The following CCDC50 variants were observed in gnomAD, a reference collection of about 807,000 sequenced individuals.
The protein encoded by CCDC50 is coiled-coil domain-containing protein 50.
Under a neutral mutation model 70.2 loss-of-function variants are expected in CCDC50, and 54 were observed. The ratio of observed to expected loss-of-function variants is 0.77; its 90% CI spans 0.62 to 0.96. CCDC50 has a LOEUF of 0.96. CCDC50 is among the 50% of genes least tolerant of loss of function. The probability of loss-of-function intolerance (pLI) is 0.00; values close to 1 mark genes in which losing one functional copy is unlikely to be tolerated. For synonymous variants in CCDC50, 216 were observed against 198.8 expected, an observed-to-expected ratio of 1.09 and a Z score of -0.73; for missense variants, 558 against 578.7, an observed-to-expected ratio of 0.96 and a Z score of 0.37.
chr3:191,357,073 C>T lies in CCDC50; in HGVS notation c.50-15C>T, dbSNP rs1277441189. On this transcript the variant is annotated splice_polypyrimidine_tract_variant and intron_variant, in intron 1 of 11. Coordinates refer to ENST00000392455, the MANE Select transcript of CCDC50 (RefSeq NM_178335.3). The stretch of plus-strand genomic sequence containing the variant: ...TAATGAGCCTTCCTGTCTGTTTTTC[C>T]TCCATCTACTCTAGTATGCCGAGAT... 1 of 1,579,170 alleles carries T rather than the reference C, an allele frequency of 6.3e-7. No individual in the cohort carries two copies. Among genetic ancestry groups the T allele is most frequent in the African/African-American group, 1.4e-5 (1 of 73,462 alleles).
intron 6 of CCDC50, among the ~76,000 whole-genome samples, chr3:191,376,431 C>T (rs1265901409): frequency 6.6e-6 from 1 of 152,048 alleles, no homozygotes; most frequent in East Asian, 1.9e-4. Context: ...ATCATTGACG[C>T]AGTAATGGCT....
Position 191,369,958 on chromosome 3 carries a change from G to C in CCDC50, c.370G>C (p.Glu124Gln). The change falls in exon 5 of 12, where the codon GAG (glutamate) becomes CAG (glutamine). Residue 124 changes from glutamate (E) to glutamine (Q), a missense_variant. By Grantham distance (29) the Glu-to-Gln change is conservative. Coordinates refer to ENST00000392455, the MANE Select transcript of CCDC50 (RefSeq NM_178335.3). The stretch of plus-strand genomic sequence containing the variant: ...TTTGCAAGAAAAGGAGTTACAGGAA[G>C]AGAAAAAGAGAAAGAAACACTTTCC... ...RLLQEKELQEEKKRKKHFPEF... is the reference protein window; with the variant it reads ...RLLQEKELQEQKKRKKHFPEF... 6.2e-7 allele frequency: 1 copy of C among 1,613,436 alleles called. No individual in the cohort carries two copies. The highest frequency in any genetic ancestry group is 2.2e-5 in the East Asian group (1 of 44,856).
At chr3:191,363,827 T>C (rs1243285393) in intron 4 of CCDC50, among the ~76,000 whole-genome samples, 1 of 152,228 alleles carries the variant, frequency 6.6e-6, no homozygotes, top group Non-Finnish European at 1.5e-5. Flanking sequence ...GATGAGAAGA[T>C]GGCTACTGTG....
At chr3:191,369,284 T>A (rs986450723) in intron 4 of CCDC50, among the ~76,000 whole-genome samples, 2 of 152,152 alleles carry the variant, frequency 1.3e-5, no homozygotes, top group African/African-American at 4.8e-5. Flanking sequence ...TTTATTGTAG[T>A]TACTTTTTTT....
At chr3:191,372,684 T>C (rs1178696071) in intron 5 of CCDC50, among the ~76,000 whole-genome samples, 3 of 152,144 alleles carry the variant, frequency 2.0e-5, no homozygotes, top group Non-Finnish European at 4.4e-5. Context: ...TTTCTACAAA[T>C]TTGAAATTGT....
chr3:191,389,225 C>T (rs772804013), intron 10 of CCDC50, among the ~76,000 whole-genome samples: 27 of 152,140 alleles, frequency 1.8e-4, no homozygotes, highest in Non-Finnish European at 3.5e-4. Context: ...TCACATCTCA[C>T]TAATCTTTGT....
chr3:191,382,657 A>T, intron 9 of CCDC50, 89 bp from the exon 10 acceptor site: 1 of 837,954 alleles, frequency 1.2e-6, no homozygotes, highest in Non-Finnish European at 2.1e-6. Flanking sequence ...TGATAAACAT[A>T]CGTTAAACTT....
In CCDC50 at chr3:191,380,157, A is replaced by G; in HGVS notation, c.977-2A>G. ...ACATTGAGTTTTTTTTTTTTTTTAA[A>G]GGAATGAAGCCAAGAGTGATGAAAG... On this transcript the variant is annotated splice_acceptor_variant, in intron 6 of 11. Coordinates refer to ENST00000392455, the MANE Select transcript of CCDC50 (RefSeq NM_178335.3). LOFTEE classifies it high-confidence loss of function. The G allele has an allele frequency of 1.3e-6, 2 of 1,484,350 alleles. No homozygotes were observed. Among genetic ancestry groups the G allele is most frequent in the Admixed American group, 1.8e-5 (1 of 56,174 alleles). The allele number at this position is 1,484,350 out of a possible 1,614,324, so 91.9% of individuals were successfully genotyped here. A position where few individuals can be genotyped will look rare whatever the true frequency, so the allele number is the denominator to read the frequency against.
intron 1 of CCDC50, among the ~76,000 whole-genome samples, chr3:191,337,762 G>A (rs2108631997): frequency 1.3e-5 from 2 of 151,978 alleles, no homozygotes; most frequent in East Asian, 3.9e-4. Context: ...TCTGAGTAAG[G>A]GTCTGTGGGG....
chr3:191,375,389 A>T lies in CCDC50; in HGVS notation c.776A>T (p.Asn259Ile), dbSNP rs1306192471. ...TGTGATGACTGGGAGACTAAGATTA[A>T]CCATCAGACTCGAAATTGGGAAAAA... ...TECDDWETKI[N>I]HQTRNWEKQS... The change falls in exon 6 of 12, where the codon AAC becomes ATC. Residue 259 changes from asparagine to isoleucine, a missense_variant. Asn to Ile is a moderately radical substitution (Grantham distance 149, BLOSUM62 -3). Coordinates refer to ENST00000392455, the MANE Select transcript of CCDC50 (RefSeq NM_178335.3). 7 of 1,613,776 alleles carry T rather than the reference A, an allele frequency of 4.3e-6. No homozygotes were observed. The East Asian group carries it at 1.6e-4, about 36-fold the overall frequency.
intron 1 of CCDC50, among the ~76,000 whole-genome samples, chr3:191,338,868 T>G (rs543822448): frequency 1.3e-5 from 2 of 152,356 alleles, no homozygotes; most frequent in South Asian, 2.1e-4. Flanking sequence ...TTTAATTATA[T>G]AAGATGCTGG....
At chr3:191,358,418 A>G (rs1159179881) in intron 3 of CCDC50, among the ~76,000 whole-genome samples, 1 of 152,160 alleles carries the variant, frequency 6.6e-6, no homozygotes, top group East Asian at 1.9e-4. Flanking sequence ...CCTTACCCAT[A>G]ACATGCGGAT....
At chr3:191,366,541 A>G (rs549463688) in intron 4 of CCDC50, among the ~76,000 whole-genome samples, 13 of 152,188 alleles carry the variant, frequency 8.5e-5, no homozygotes, top group Non-Finnish European at 1.8e-4. Context: ...AAATGACTTT[A>G]AAAGAGCTTA....
intron 1 of CCDC50, among the ~76,000 whole-genome samples, chr3:191,349,765 T>C (rs1412829468): frequency 7.1e-6 from 1 of 141,392 alleles, no homozygotes; most frequent in Non-Finnish European, 1.6e-5. Context: ...CAGGTGTAAA[T>C]ATAGGCCGAC....
intron 1 of CCDC50, among the ~76,000 whole-genome samples, chr3:191,335,739 T>C (rs2108629935): frequency 6.6e-6 from 1 of 152,308 alleles, no homozygotes. Flanking sequence ...ATTACCGGTC[T>C]TGTTTATTTA....
intron 1 of CCDC50, among the ~76,000 whole-genome samples, chr3:191,331,703 A>C (rs945852061): frequency 2.0e-5 from 3 of 152,166 alleles, no homozygotes; most frequent in Non-Finnish European, 4.4e-5. Context: ...AATGGTGGTG[A>C]AGTTTTTGAT....
At chr3:191,362,865 A>G (rs2108652838) in intron 4 of CCDC50, among the ~76,000 whole-genome samples, 2 of 152,356 alleles carry the variant, frequency 1.3e-5, no homozygotes, top group East Asian at 3.9e-4. Context: ...GCAAGTAAAA[A>G]TTAGGGATTA....
chr3:191,370,758 G>A (rs1179066983), intron 5 of CCDC50, among the ~76,000 whole-genome samples: 1 of 151,948 alleles, frequency 6.6e-6, no homozygotes, highest in East Asian at 1.9e-4. Flanking sequence ...CAAAGTGCTG[G>A]GATTACAGAT....
intron 1 of CCDC50, among the ~76,000 whole-genome samples, chr3:191,343,088 T>G (rs548393673): frequency 5.9e-5 from 9 of 152,290 alleles, no homozygotes; most frequent in Admixed American, 2.6e-4. Context: ...GCAAGGCCTG[T>G]GTATACTGAG....
Sources: gnomAD v4.1 joint callset for allele counts (sites outside exome capture counted in the v4.1 genomes callset) on GRCh38, gnomAD v4.1.1 for gene constraint, MANE v1.5 for transcripts, NCBI Gene and HGNC (gene_info 2026-07-23, HGNC 2026-07-21) for gene names.